CAMK2D: variants seen among roughly 807,000 people sequenced by gnomAD.
The protein encoded by CAMK2D is calcium/calmodulin dependent protein kinase II delta.
Under a neutral mutation model 84.0 loss-of-function variants are expected in CAMK2D, and 37 were observed. That is an observed-to-expected ratio of 0.44 (90% CI 0.34 to 0.58). The LOEUF (loss-of-function observed/expected upper bound fraction) is 0.58, where lower values mean the gene tolerates loss of function less well. CAMK2D is among the 20% of genes least tolerant of loss of function. The pLI, the probability that CAMK2D is intolerant of heterozygous loss-of-function variation, is 0.02. For synonymous variants in CAMK2D, 202 were observed against 212.5 expected (o/e 0.95, Z 0.43); for missense variants, 448 against 652.5 (o/e 0.69, Z 3.41).
intron 7 of CAMK2D, among the ~76,000 whole-genome samples, chr4:113,535,707 A>G (rs17630179): frequency 0.062 from 9,372 of 152,240 alleles, 598 homozygotes; most frequent in East Asian, 0.21. Flanking sequence ...GGAATGCCTT[A>G]ATCTTCTTGC....
chr4:113,673,974 T>A (rs1022957563), intron 2 of CAMK2D, among the ~76,000 whole-genome samples: 1 of 124,244 alleles, frequency 8.0e-6, no homozygotes, highest in Non-Finnish European at 1.7e-5. Context: ...TGAAGCTAGA[T>A]GGTTAGAATT....
intron 17 of CAMK2D, among the ~76,000 whole-genome samples, chr4:113,462,826 A>C (rs2097405083): frequency 6.6e-6 from 1 of 151,680 alleles, no homozygotes; most frequent in Non-Finnish European, 1.5e-5. Context: ...ACTTTTTATC[A>C]TTCCACAAGG....
intron 4 of CAMK2D, among the ~76,000 whole-genome samples, chr4:113,587,784 G>A (rs991649574): frequency 6.6e-6 from 1 of 152,114 alleles, no homozygotes; most frequent in Non-Finnish European, 1.5e-5. Context: ...TATGGCATGA[G>A]GCTGTCTATC....
At chr4:113,758,934 C>T (rs529929674) in intron 2 of CAMK2D, among the ~76,000 whole-genome samples, 1 of 152,266 alleles carries the variant, frequency 6.6e-6, no homozygotes, top group African/African-American at 2.4e-5. Context: ...TGAGCTATGA[C>T]CTACTTCCCT....
intron 16 of CAMK2D, among the ~76,000 whole-genome samples, chr4:113,477,898 G>A (rs1226863621): frequency 6.6e-6 from 1 of 151,994 alleles, no homozygotes; most frequent in African/African-American, 2.4e-5. Flanking sequence ...ATTCCAACAT[G>A]TATTATAAAT....
At chr4:113,515,275 C>CTACTTGAGGGAATGA in intron 9 of CAMK2D, 84 bp from the exon 10 acceptor site, 1 of 828,382 alleles carries the variant, frequency 1.2e-6, no homozygotes, top group Non-Finnish European at 1.9e-6. Flanking sequence ...GAATCATTCC[C>CTACTTGAGGGAATGA]TCAAGTAGTG....
At chr4:113,527,293 T>C (rs895808053) in intron 8 of CAMK2D, among the ~76,000 whole-genome samples, 13 of 151,864 alleles carry the variant, frequency 8.6e-5, no homozygotes, top group African/African-American at 3.1e-4. Context: ...TTTGTAGAGA[T>C]GGGTCATCCT....
chr4:113,606,785 G>A (rs79984128), intron 4 of CAMK2D, among the ~76,000 whole-genome samples: 10,325 of 152,160 alleles, frequency 0.068, 702 homozygotes, highest in East Asian at 0.31. Context: ...GGCTAAGTGA[G>A]CTCCAAATAA....
chr4:113,522,990 A>G (rs925343895), intron 8 of CAMK2D, among the ~76,000 whole-genome samples: 18 of 152,068 alleles, frequency 1.2e-4, no homozygotes, highest in African/African-American at 4.3e-4. Context: ...ATGAACAGGA[A>G]CAGCACCCTT....
At chr4:113,517,915 A>G (rs1156617769) in intron 8 of CAMK2D, among the ~76,000 whole-genome samples, 1 of 152,200 alleles carries the variant, frequency 6.6e-6, no homozygotes, top group Non-Finnish European at 1.5e-5. Context: ...ATGGCAGGGC[A>G]ACATTCATTT....
At chr4:113,705,161 C>CAAAA in intron 2 of CAMK2D, among the ~76,000 whole-genome samples, 1 of 115,804 alleles carries the variant, frequency 8.6e-6, no homozygotes, top group East Asian at 2.4e-4. Context: ...ACTACAAATA[C>CAAAA]AAAAAAAAAA....
At chr4:113,494,658 T>C (rs933876484) in intron 16 of CAMK2D, among the ~76,000 whole-genome samples, 3 of 152,248 alleles carry the variant, frequency 2.0e-5, no homozygotes, top group African/African-American at 7.2e-5. Context: ...TGAGCTGTGG[T>C]GGGCTCCACC....
intron 4 of CAMK2D, among the ~76,000 whole-genome samples, chr4:113,600,044 T>G (rs1179854529): frequency 6.6e-6 from 1 of 152,170 alleles, no homozygotes; most frequent in Non-Finnish European, 1.5e-5. Context: ...TCTAAAAGGT[T>G]ATATACTGTA....
At chr4:113,655,725 A>G (rs556952912) in intron 3 of CAMK2D, among the ~76,000 whole-genome samples, 1 of 152,240 alleles carries the variant, frequency 6.6e-6, no homozygotes, top group East Asian at 1.9e-4. Flanking sequence ...AAAGGCCCAT[A>G]CATGAATATC....
intron 2 of CAMK2D, among the ~76,000 whole-genome samples, chr4:113,691,935 T>C (rs935340371): frequency 1.7e-4 from 26 of 152,296 alleles, no homozygotes; most frequent in Middle Eastern, 3.4e-3. Context: ...AATGAAATTT[T>C]CTTCCTATTC....
At position 113,531,244 on chromosome 4, in the gene CAMK2D, A is replaced by C; in HGVS notation, c.573T>G (p.Tyr191Ter). 6.2e-7 allele frequency: 1 copy of C among 1,604,434 alleles called. No individual in the cohort carries two copies. The highest frequency in any genetic ancestry group is 8.5e-7 in the Non-Finnish European group (1 of 1,171,244). ...LSPEVLRKDP[Y>*]GKPVDMWACG... ...ATGCCCACATATCCACTGGCTTTCC[A>C]TAAGGATCTTTACGTAAAACTTCTG... Residue 191 changes from tyrosine to a stop codon, truncating the protein, a stop_gained, in exon 8 of 21, where the codon TAT becomes TAG. Coordinates refer to ENST00000511664, the MANE Select transcript of CAMK2D (RefSeq NM_001321571.2). LOFTEE classifies it high-confidence loss of function.
intron 2 of CAMK2D, chr4:113,677,393 C>T (rs1294003671): frequency 6.4e-6 from 1 of 156,782 alleles, no homozygotes; most frequent in Non-Finnish European, 1.4e-5. Context: ...GTATGATCTA[C>T]AGCAAATACT....
chr4:113,487,521 C>T (rs1194882584), intron 16 of CAMK2D, among the ~76,000 whole-genome samples: 1 of 151,858 alleles, frequency 6.6e-6, no homozygotes, highest in Admixed American at 6.6e-5. Flanking sequence ...GATTTAACTT[C>T]TATATAGAAA....
At chr4:113,636,073 T>C (rs916161516) in intron 3 of CAMK2D, among the ~76,000 whole-genome samples, 10 of 152,184 alleles carry the variant, frequency 6.6e-5, no homozygotes, top group African/African-American at 2.4e-4. Context: ...GTCTTTGGCA[T>C]CTCCAACTCA....
Sources: allele counts gnomAD v4.1 joint callset (sites outside exome capture counted in the v4.1 genomes callset), GRCh38; gene constraint gnomAD v4.1.1; transcripts MANE v1.5; gene names NCBI Gene and HGNC (gene_info 2026-07-23, HGNC 2026-07-21).